ABCA13: variants seen among roughly 807,000 people sequenced by gnomAD.
The protein encoded by ABCA13 is ATP-binding cassette sub-family A member 13.
In ABCA13, 476 loss-of-function variants were observed where a neutral mutation model predicts 478.7. The observed-to-expected ratio is 0.99, with a 90% CI of 0.92 to 1.07. The LOEUF is 1.07. Ranked by LOEUF, ABCA13 falls within the 50% of genes least tolerant of loss-of-function variation. The pLI is 0.00. For missense variants in ABCA13, 6,060 were observed against 5,910.6 expected (o/e 1.03, Z -0.83); for synonymous variants, 2,252 against 2,158.9 (o/e 1.04, Z -1.20).
intron 41 of ABCA13, 74 bp downstream of exon 41, chr7:48,412,657 G>T (rs1266070839): frequency 1.6e-6 from 2 of 1,253,120 alleles, no homozygotes; most frequent in Non-Finnish European, 2.2e-6. Context: ...AAGAGATGTG[G>T]GTAAAGGGGG....
intron 43 of ABCA13, among the ~76,000 whole-genome samples, chr7:48,455,672 T>G (rs1220805088): frequency 6.6e-6 from 1 of 152,202 alleles, no homozygotes; most frequent in Non-Finnish European, 1.5e-5. Flanking sequence ...ATATGTGGTA[T>G]TTTCACAAAG....
intron 59 of ABCA13, among the ~76,000 whole-genome samples, chr7:48,617,240 A>C (rs1425674005): frequency 2.6e-5 from 4 of 152,116 alleles, no homozygotes; most frequent in Non-Finnish European, 5.9e-5. Flanking sequence ...CATTTCTCTG[A>C]CGTGGAGGTG....
intron 48 of ABCA13, 86 bp from the exon 49 acceptor site, chr7:48,506,250 C>T: frequency 7.0e-7 from 1 of 1,425,906 alleles, no homozygotes; most frequent in Non-Finnish European, 9.8e-7. Flanking sequence ...TGTGATGGCA[C>T]AGGGAATCTG....
At chr7:48,577,195 T>G (rs1241730125) in intron 55 of ABCA13, among the ~76,000 whole-genome samples, 2 of 151,684 alleles carry the variant, frequency 1.3e-5, no homozygotes, top group Middle Eastern at 6.8e-3. Context: ...CAAATTAAAT[T>G]GAAAGTAAGT....
intron 45 of ABCA13, among the ~76,000 whole-genome samples, chr7:48,473,453 C>T (rs1034977911): frequency 1.3e-5 from 2 of 152,152 alleles, no homozygotes; most frequent in Admixed American, 6.5e-5. Context: ...GTTTGCAGCC[C>T]GAACTTTCAG....
At chr7:48,456,270 C>T (rs1825662771) in intron 43 of ABCA13, among the ~76,000 whole-genome samples, 1 of 152,136 alleles carries the variant, frequency 6.6e-6, no homozygotes, top group Non-Finnish European at 1.5e-5. Context: ...CTCTAAGAGC[C>T]TACTAATATG....
chr7:48,179,643 G>A (rs1374046088), intron 1 of ABCA13, among the ~76,000 whole-genome samples: 3 of 152,074 alleles, frequency 2.0e-5, no homozygotes, highest in Non-Finnish European at 2.9e-5. Flanking sequence ...CAGGAGGCAC[G>A]GTGCTCTGTC....
intron 32 of ABCA13, among the ~76,000 whole-genome samples, chr7:48,368,956 T>C (rs1163912996): frequency 2.0e-5 from 3 of 152,032 alleles, no homozygotes; most frequent in Admixed American, 1.3e-4. Flanking sequence ...GATCTACTTT[T>C]AGTTCTTTAA....
intron 55 of ABCA13, among the ~76,000 whole-genome samples, chr7:48,542,022 A>G (rs1274601329): frequency 6.6e-6 from 1 of 151,598 alleles, no homozygotes; most frequent in African/African-American, 2.4e-5. Context: ...TATATAATTC[A>G]AGTAAAGGTA....
chr7:48,275,437 T>G lies in ABCA13; in HGVS notation c.5771T>G (p.Ile1924Arg), dbSNP rs768038173. 6 of 1,613,836 alleles carry G rather than the reference T, an allele frequency of 3.7e-6. No homozygotes were observed. In the African/African-American group the frequency reaches 8.0e-5, roughly 22 times the overall value. Residue 1924 changes from isoleucine to arginine, a missense_variant, in exon 17 of 62, where the codon ATA (isoleucine) becomes AGA (arginine). Around this residue, in one of 3 missense-constraint regions of ABCA13, gnomAD observed 4,423 missense variants for 4,309.1 expected, o/e 1.03. Transcript: ENST00000435803. ...ACTGTGCAGAAATTTTGGCATAAGA[T>G]ATTACCGTTTGTCCCACCTTCAATA... ...VKTVQKFWHK[I>R]LPFVPPSINQ...
intron 15 of ABCA13, among the ~76,000 whole-genome samples, chr7:48,266,027 T>C (rs1212379501): frequency 6.6e-6 from 1 of 151,724 alleles, no homozygotes; most frequent in Non-Finnish European, 1.5e-5. Flanking sequence ...TTCTTTTTAA[T>C]TTTTTTGAAT....
intron 50 of ABCA13, among the ~76,000 whole-genome samples, chr7:48,508,436 T>A (rs1040145542): frequency 6.6e-6 from 1 of 152,160 alleles, no homozygotes; most frequent in African/African-American, 2.4e-5. Context: ...GACCTGTGCC[T>A]CATTGCCTAA....
chr7:48,427,747 G>GTT lies in ABCA13; in HGVS notation c.12460-11_12460-10dup. The stretch of plus-strand genomic sequence containing the variant: ...ATAGAAACATAAAATAATACATGGC[G>GTT]TTTTTTTTTCTCCGAAAGGTGTTTT... On this transcript the variant is annotated intron_variant, in intron 41 of 61. Transcript: ENST00000435803. 6 of 1,442,956 alleles carry GTT rather than the reference G, an allele frequency of 4.2e-6. No individual in the cohort carries two copies. Among genetic ancestry groups the GTT allele is most frequent in the African/African-American group, 1.4e-5 (1 of 71,150 alleles). The allele number at this position is 1,442,956 out of a possible 1,614,324, so 89.4% of individuals were successfully genotyped here. A position where few individuals can be genotyped will look rare whatever the true frequency, so the allele number is the denominator to read the frequency against.
chr7:48,599,133 A>G (rs1238494909), intron 58 of ABCA13, among the ~76,000 whole-genome samples: 7 of 151,774 alleles, frequency 4.6e-5, no homozygotes, highest in Non-Finnish European at 8.8e-5. Flanking sequence ...TTTTCCTTCT[A>G]TTATAAAATT....
rs375473109 is a variant in ABCA13, at chr7:48,326,884, G to T, written c.10000-8538G>T. Among the ~76,000 whole-genome samples the T allele has an allele frequency of 2.8e-3, 432 of 152,228 alleles. 3 individuals carry two copies. The highest frequency in any genetic ancestry group is 8.7e-3 in the African/African-American group (361 of 41,542). On this transcript the variant is annotated intron_variant, in intron 27 of 61. Transcript: ENST00000435803. ...CCTTAAGCTGCCAAATTGGAATATC[G>T]GGTTATGATGGGCAGAGATCAGCTC...
chr7:48,332,010 G>T (rs963365551), intron 27 of ABCA13, among the ~76,000 whole-genome samples: 3 of 152,056 alleles, frequency 2.0e-5, no homozygotes, highest in South Asian at 2.1e-4. Context: ...TAACCATTTG[G>T]GATTGACTTT....
intron 23 of ABCA13, among the ~76,000 whole-genome samples, chr7:48,301,432 AT>A (rs1445517839): frequency 6.6e-6 from 1 of 152,086 alleles, no homozygotes; most frequent in African/African-American, 2.4e-5. Context: ...ACTTGTTTTA[AT>A]ACATGAAGTT....
At chr7:48,332,064 G>C (rs1291957254) in intron 27 of ABCA13, among the ~76,000 whole-genome samples, 1 of 152,186 alleles carries the variant, frequency 6.6e-6, no homozygotes, top group Non-Finnish European at 1.5e-5. Context: ...ATATTGTGCA[G>C]ATATCAGGAG....
At chr7:48,528,013 C>T (rs1342488435) in intron 54 of ABCA13, among the ~76,000 whole-genome samples, 2 of 152,108 alleles carry the variant, frequency 1.3e-5, no homozygotes, top group Non-Finnish European at 2.9e-5. Context: ...ATTCTTATAC[C>T]ATTCAAGTGC....
Sources: gnomAD v4.1 joint callset for allele counts (sites outside exome capture counted in the v4.1 genomes callset) on GRCh38, gnomAD v4.1.1 for gene constraint, gnomAD v4.1.1 regional missense constraint, MANE v1.5 for transcripts, NCBI Gene and HGNC (gene_info 2026-07-23, HGNC 2026-07-21) for gene names.